The following ICE1 variants were observed in gnomAD, a reference collection of about 807,000 sequenced individuals.
ICE1 encodes little elongation complex subunit 1.
A neutral mutation model predicts 192.7 loss-of-function variants in ICE1; 64 were observed. The ratio of observed to expected loss-of-function variants is 0.33; its 90% CI spans 0.27 to 0.41. ICE1 has a LOEUF of 0.41. ICE1 is among the 10% of genes least tolerant of loss of function. The pLI is 1.00. For missense variants in ICE1, 2,708 were observed against 2,696.0 expected, an observed-to-expected ratio of 1.00 and a Z score of -0.10; for synonymous variants, 1,010 against 984.5, an observed-to-expected ratio of 1.03 and a Z score of -0.49.
At chr5:5,425,201 A>T (rs1054901804) in intron 1 of ICE1, among the ~76,000 whole-genome samples, 2 of 151,980 alleles carry the variant, frequency 1.3e-5, no homozygotes, top group Non-Finnish European at 2.9e-5. Flanking sequence ...GGTGTGAACT[A>T]CTCTAATGTA....
intron 12 of ICE1, among the ~76,000 whole-genome samples, chr5:5,458,661 G>A (rs192293167): frequency 6.6e-6 from 1 of 152,136 alleles, no homozygotes; most frequent in East Asian, 1.9e-4. Flanking sequence ...ATTCATGCAG[G>A]TGACACTGGG....
chr5:5,470,027 C>G (rs998500072), intron 15 of ICE1, among the ~76,000 whole-genome samples: 1 of 152,130 alleles, frequency 6.6e-6, no homozygotes, highest in African/African-American at 2.4e-5. Context: ...TTGAGGGTTA[C>G]TGCCTTCCGA....
chr5:5,463,885 T>C lies in ICE1; in HGVS notation c.4551T>C (p.Pro1517=). The change falls in exon 13 of 19, where the codon CCT becomes CCC. Residue 1517 remains proline (P), a synonymous_variant. Coordinates refer to ENST00000296564, the MANE Select transcript of ICE1 (RefSeq NM_015325.3). ...KSRLRNRPVK[P]SIWISSQIYD... ...GTTTGCGAAATAGACCCGTTAAGCC[T>C]AGTATATGGATTAGTTCTCAAATCT... The C allele has an allele frequency of 1.2e-6, 2 of 1,613,890 alleles. No homozygotes were observed. The highest frequency in any genetic ancestry group is 2.7e-5 in the African/African-American group (2 of 75,048).
chr5:5,489,425 A>T lies in ICE1; in HGVS notation c.*95A>T, dbSNP rs1324493695. The T allele has an allele frequency of 1.8e-6, 2 of 1,099,912 alleles. No homozygotes were observed. The highest frequency in any genetic ancestry group is 2.5e-6 in the Non-Finnish European group (2 of 786,798). The allele number at this position is 1,099,912 out of a possible 1,614,324, so 68.1% of individuals were successfully genotyped here. A position where few individuals can be genotyped will look rare whatever the true frequency, so the allele number is the denominator to read the frequency against. On this transcript the variant is annotated 3_prime_UTR_variant, in exon 19 of 19. Coordinates refer to ENST00000296564, the MANE Select transcript of ICE1 (RefSeq NM_015325.3). ...AGAATACAAAGGGAGGTTTCAAAAC[A>T]AAAAGACATAAAATAGATAAAACAG...
In ICE1 at chr5:5,464,394, A is replaced by G. The variant is rs764212842; in HGVS notation, c.5060A>G (p.Asp1687Gly). 98 of 1,613,356 alleles carry G rather than the reference A, an allele frequency of 6.1e-5. No homozygotes were observed. Among genetic ancestry groups the G allele is most frequent in the Non-Finnish European group, 8.1e-5 (96 of 1,179,766 alleles). The change falls in exon 13 of 19, where the codon GAC becomes GGC. Residue 1687 changes from aspartate to glycine, a missense_variant. Physicochemically the swap from Asp to Gly is moderately conservative, Grantham distance 94. Coordinates refer to ENST00000296564, the MANE Select transcript of ICE1 (RefSeq NM_015325.3). The surrounding 1 kb of genome is among the most constrained non-coding windows in gnomAD (Gnocchi z 4.0). ...VPPAMSPWPEDPRRASPPDPS... is the reference protein window; with the variant it reads ...VPPAMSPWPEGPRRASPPDPS... ...CCTGCCATGTCTCCATGGCCAGAGG[A>G]CCCCAGACGTGCCTCTCCTCCAGAT...
At position 5,457,621 on chromosome 5, in the gene ICE1, T is replaced by G; in HGVS notation, c.981T>G (p.Asp327Glu). The stretch of plus-strand genomic sequence containing the variant: ...TTGTTGATCATGATCATTTTTTTGA[T>G]GAAGATCTTCAAGCTGCAATTGACT... ...TEFVDHDHFF[D>E]EDLQAAIDFF... is the part of the protein sequence containing the mutation. The change falls in exon 12 of 19, where the codon GAT becomes GAG. Residue 327 changes from aspartate to glutamate, a missense_variant. Asp to Glu is a conservative substitution (Grantham distance 45). Transcript: ENST00000296564. The G allele has an allele frequency of 1.9e-6, 3 of 1,614,024 alleles. No homozygotes were observed. The highest frequency in any genetic ancestry group is 2.5e-6 in the Non-Finnish European group (3 of 1,179,888).
At position 5,426,228 on chromosome 5, in the gene ICE1, C is replaced by T. The variant is rs574348238; in HGVS notation, c.84+3229C>T. On this transcript the variant is annotated intron_variant, in intron 1 of 18. Coordinates refer to ENST00000296564, the MANE Select transcript of ICE1 (RefSeq NM_015325.3). ...TTTGGGAGGCCAAGGCAGTGGATCA[C>T]GAGGTCAGGAGTTCAAGAACAGCTT... is the stretch of plus-strand genomic sequence containing the variant. Among the ~76,000 whole-genome samples the T allele has an allele frequency of 5.9e-5, 9 of 152,270 alleles. No individual in the cohort carries two copies. In the South Asian group the frequency reaches 1.5e-3, roughly 25 times the overall value.
rs1373202466 is a variant in ICE1 at position 5,461,226 on chromosome 5, C to T, written c.1892C>T (p.Ser631Phe). The T allele has an allele frequency of 1.5e-5, 25 of 1,613,858 alleles. No homozygotes were observed. The highest frequency in any genetic ancestry group is 1.9e-5 in the Non-Finnish European group (22 of 1,179,900). ...GGGCTTGACATTGAAACCAGTTTTT[C>T]TTCCTCTTCTACCTTGGTAGCATTG... Reference protein sequence around the residue: ...VAGLDIETSFSSSSTLVALSV... With the variant: ...VAGLDIETSFFSSSTLVALSV... Residue 631 changes from serine (S) to phenylalanine (F), a missense_variant, in exon 13 of 19, where the codon TCT becomes TTT. This residue lies in a region of ICE1 where 2,366 missense variants were observed against 2,276.6 expected (regional missense o/e 1.04). Transcript: ENST00000296564.
At chr5:5,481,133 A>G (rs1739492771) in intron 17 of ICE1, among the ~76,000 whole-genome samples, 1 of 152,212 alleles carries the variant, frequency 6.6e-6, no homozygotes, top group Non-Finnish European at 1.5e-5. Flanking sequence ...AAAAATGCTC[A>G]TGCTTTTGAC....
At chr5:5,458,353 G>A (rs1262538891) in intron 12 of ICE1, among the ~76,000 whole-genome samples, 1 of 152,158 alleles carries the variant, frequency 6.6e-6, no homozygotes, top group African/African-American at 2.4e-5. Context: ...GGTGTGCAGA[G>A]GTGACGAAAG....
At chr5:5,471,879 T>A (rs563721798) in intron 15 of ICE1, among the ~76,000 whole-genome samples, 1 of 152,298 alleles carries the variant, frequency 6.6e-6, no homozygotes, top group African/African-American at 2.4e-5. Flanking sequence ...CAACTTTTTC[T>A]GGTGGAGGTG....
intron 10 of ICE1, among the ~76,000 whole-genome samples, chr5:5,451,663 A>T (rs939801885): frequency 1.3e-5 from 2 of 152,172 alleles, no homozygotes; most frequent in Non-Finnish European, 2.9e-5. Context: ...TGAACAAAAA[A>T]TAGGAAGAAA....
At chr5:5,476,786 A>G (rs1462402669) in intron 17 of ICE1, among the ~76,000 whole-genome samples, 1 of 152,158 alleles carries the variant, frequency 6.6e-6, no homozygotes, top group Admixed American at 6.5e-5. Context: ...GGGGATTACA[A>G]TTCAACGTGA....
At position 5,457,687 on chromosome 5, in the gene ICE1, G is replaced by T. The variant is rs760607022; in HGVS notation, c.1047G>T (p.Ser349=). ...LPPPLLSPVP[S]PPPMSSPHPG... is the part of the protein sequence containing the mutation. ...CTCCTCTTCTGTCACCAGTGCCCTC[G>T]CCCCCTCCGATGTCATCACCTCACC... Residue 349 remains serine, a synonymous_variant, in exon 12 of 19, where the codon TCG becomes TCT. Transcript: ENST00000296564. The T allele has an allele frequency of 6.2e-7, 1 of 1,613,472 alleles. No individual in the cohort carries two copies. The highest frequency in any genetic ancestry group is 8.5e-7 in the Non-Finnish European group (1 of 1,179,774).
At chr5:5,486,596 T>G in intron 17 of ICE1, 125 bp from the exon 18 acceptor site, 1 of 648,266 alleles carries the variant, frequency 1.5e-6, no homozygotes, top group Admixed American at 2.5e-5. Context: ...CTGGTATAGG[T>G]GATTGCAAGA....
In ICE1 at chr5:5,422,703, C is replaced by G. The variant is rs1004232518; in HGVS notation, c.-213C>G. ...GACTGCGTCGCGCTCGGGGGCCGCG[C>G]CGGGTAGCGTTTCTTTTTAGTGCCT... is the stretch of plus-strand genomic sequence containing the variant. On this transcript the variant is annotated 5_prime_UTR_variant, in exon 1 of 19. Coordinates refer to ENST00000296564, the MANE Select transcript of ICE1 (RefSeq NM_015325.3). 1.4e-5 allele frequency: 5 copies of G among 346,892 alleles called. No individual in the cohort carries two copies. Among genetic ancestry groups the G allele is most frequent in the African/African-American group, 2.1e-5 (1 of 46,706 alleles). The allele number at this position is 346,892 out of a possible 1,614,324, so 21.5% of individuals were successfully genotyped here.
Position 5,461,890 on chromosome 5 carries a change from G to T in ICE1, c.2556G>T (p.Ser852=). 1 of 1,613,812 alleles carries T rather than the reference G, an allele frequency of 6.2e-7. No individual in the cohort carries two copies. The highest frequency in any genetic ancestry group is 8.5e-7 in the Non-Finnish European group (1 of 1,179,884). Reference sequence around the variant, plus strand: ...CTGTAGAATTCAAGACCACTGCATCGGTGTTGCCTAATCAAGTATCAGTTA... The same window carrying T: ...CTGTAGAATTCAAGACCACTGCATCTGTGTTGCCTAATCAAGTATCAGTTA... ...NNPVEFKTTA[S]VLPNQVSVIT... Residue 852 remains serine, a synonymous_variant, in exon 13 of 19, where the codon TCG becomes TCT. Transcript: ENST00000296564.
In ICE1 at chr5:5,447,826, T is replaced by C. The variant is rs201994032; in HGVS notation, c.548-15T>C. 20 of 1,575,062 alleles carry C rather than the reference T, an allele frequency of 1.3e-5. No homozygotes were observed. Among genetic ancestry groups the C allele is most frequent in the Non-Finnish European group, 1.6e-5 (19 of 1,157,964 alleles). On this transcript the variant is annotated splice_polypyrimidine_tract_variant and intron_variant, in intron 9 of 18. Coordinates refer to ENST00000296564, the MANE Select transcript of ICE1 (RefSeq NM_015325.3). ...ATGTAGTATTTTATTAACCGTTTTT[T>C]CCCCATGCTTTTAGAGTTGAGACAT... is the stretch of plus-strand genomic sequence containing the variant.
chr5:5,429,841 A>G (rs773841788), intron 1 of ICE1, among the ~76,000 whole-genome samples: 1 of 152,166 alleles, frequency 6.6e-6, no homozygotes, highest in Admixed American at 6.5e-5. Flanking sequence ...GTATGGATAA[A>G]GTTAAAATTG....
Sources: allele counts gnomAD v4.1 joint callset (sites outside exome capture counted in the v4.1 genomes callset), GRCh38; gene constraint gnomAD v4.1.1; regional missense constraint gnomAD v4.1.1; non-coding constraint Gnocchi (gnomAD v3.1); transcripts MANE v1.5; gene names NCBI Gene and HGNC (gene_info 2026-07-23, HGNC 2026-07-21).